The following IFNAR2 variants were observed in gnomAD, a reference collection of about 807,000 sequenced individuals.
IFNAR2 encodes the protein interferon alpha/beta receptor 2.
IFNAR2 carries 30 observed loss-of-function variants against 49.4 expected under a neutral mutation model. That is an observed-to-expected ratio of 0.61 (90% confidence interval 0.45 to 0.82). The LOEUF is 0.82. Ranked by LOEUF, IFNAR2 falls within the 40% of genes least tolerant of loss-of-function variation. IFNAR2 has a pLI of 0.00. For missense variants in IFNAR2, 600 were observed against 622.7 expected, an observed-to-expected ratio of 0.96 and a Z score of 0.39; for synonymous variants, 224 against 234.5, an observed-to-expected ratio of 0.96 and a Z score of 0.41.
chr21:33,237,703 G>GGCAGTCGTGCTTGGATATCTCAT (rs1370833396), intron 1 of IFNAR2, among the ~76,000 whole-genome samples: 55 of 152,314 alleles, frequency 3.6e-4, no homozygotes, highest in Middle Eastern at 6.8e-3. Flanking sequence ...ATTAGTTCCA[G>GGCAGTCGTGCTTGGATATCTCAT]GCAGTCGTGC....
At chr21:33,259,023 G>A (rs567430180) in intron 7 of IFNAR2, among the ~76,000 whole-genome samples, 60 of 152,186 alleles carry the variant, frequency 3.9e-4, no homozygotes, top group African/African-American at 1.4e-3. Flanking sequence ...GTTAGTCATC[G>A]CCAGTCTTTT....
rs1382763965 is a variant in IFNAR2 at position 33,230,001 on chromosome 21, G to T, written c.-299G>T. 3.0e-6 allele frequency: 3 copies of T among 984,766 alleles called. No homozygotes were observed. The African/African-American group carries it at 5.3e-5, about 17-fold the overall frequency. The allele number at this position is 984,766 out of a possible 1,614,324, so 61.0% of individuals were successfully genotyped here. ...CGCACTAAAGACGCTTCTTCCCGGC[G>T]GGTAGGAATCCCGCCGGCGAGCCGA... On this transcript the variant is annotated 5_prime_UTR_variant, in exon 1 of 9. Transcript: ENST00000342136. The surrounding 1 kb of genome is among the most constrained non-coding windows in gnomAD (Gnocchi z 5.5).
intron 2 of IFNAR2, 111 bp from the exon 3 acceptor site, chr21:33,243,562 C>A: frequency 2.0e-6 from 2 of 1,009,256 alleles, no homozygotes; most frequent in Non-Finnish European, 1.5e-6. Flanking sequence ...CAAGAAAAAT[C>A]TCAATCTGAT....
At chr21:33,249,202 GA>G (rs778029062) in intron 6 of IFNAR2, among the ~76,000 whole-genome samples, 4 of 152,122 alleles carry the variant, frequency 2.6e-5, no homozygotes, top group Non-Finnish European at 2.9e-5. Flanking sequence ...ACATTAGCTG[GA>G]TGTGGTGGCA....
intron 8 of IFNAR2, 99 bp from the exon 9 acceptor site, chr21:33,262,694 C>A: frequency 1.3e-6 from 2 of 1,494,668 alleles, no homozygotes; most frequent in Non-Finnish European, 1.9e-6. Flanking sequence ...TACAAGCGTG[C>A]ATCCCTGTGC....
At chr21:33,245,711 C>G (rs1987347076) in intron 4 of IFNAR2, among the ~76,000 whole-genome samples, 1 of 152,306 alleles carries the variant, frequency 6.6e-6, no homozygotes, top group South Asian at 2.1e-4. Context: ...TTGCTTTGAT[C>G]CAGCAGCCCC....
In IFNAR2 at chr21:33,246,865, A is replaced by G. The variant is rs139177032; in HGVS notation, c.369A>G (p.Ser123=). 38 of 1,614,050 alleles carry G rather than the reference A, an allele frequency of 2.4e-5. No homozygotes were observed. The African/African-American group carries it at 4.4e-4, about 19-fold the overall frequency. ...FSGNTTLFSC[S]HNFWLAIDMS... is the part of the protein sequence containing the mutation. ...GGAACACAACGTTGTTCAGTTGCTC[A>G]CACAATTTCTGGCTGGCCATAGACA... is the stretch of plus-strand genomic sequence containing the variant. Residue 123 remains serine, a synonymous_variant, in exon 5 of 9, where the codon TCA becomes TCG. Transcript: ENST00000342136.
chr21:33,261,034 C>T (rs1373782942), intron 8 of IFNAR2, among the ~76,000 whole-genome samples: 17 of 89,616 alleles, frequency 1.9e-4, no homozygotes, highest in African/African-American at 7.7e-4. Flanking sequence ...TGTTTTCTTT[C>T]CTTTTTTTTT....
chr21:33,234,475 T>G lies in IFNAR2; in HGVS notation c.-84+4259T>G, dbSNP rs561200248. Among the ~76,000 whole-genome samples the G allele has an allele frequency of 7.2e-5, 11 of 152,296 alleles. No individual in the cohort carries two copies. The East Asian group carries it at 2.1e-3, about 29-fold the overall frequency. On this transcript the variant is annotated intron_variant, in intron 1 of 8. Transcript: ENST00000342136. The stretch of plus-strand genomic sequence containing the variant: ...GTCTAACATTTCTGAATCCACTTCA[T>G]TCATTATTCATTGCCTCCTTGACAA...
chr21:33,230,507 C>A lies in IFNAR2; in HGVS notation c.-84+291C>A. 1 of 470,410 alleles carries A rather than the reference C, an allele frequency of 2.1e-6. No homozygotes were observed. The highest frequency in any genetic ancestry group is 1.6e-5 in the South Asian group (1 of 64,456). The allele number at this position is 470,410 out of a possible 1,614,324, so 29.1% of individuals were successfully genotyped here. A position where few individuals can be genotyped will look rare whatever the true frequency, so the allele number is the denominator to read the frequency against. ...TTTCGTTGCACCCCTCCGCGTCCCA[C>A]CCCACCCCACCAAGGATGCCCAGGA... On this transcript the variant is annotated intron_variant, in intron 1 of 8. Coordinates refer to ENST00000342136, the MANE Select transcript of IFNAR2 (RefSeq NM_001289125.3). This position sits in a 1 kb window ranked among gnomAD's most constrained non-coding sequence, Gnocchi z 5.5.
At chr21:33,239,083 G>A (rs930149765) in intron 1 of IFNAR2, among the ~76,000 whole-genome samples, 2 of 152,206 alleles carry the variant, frequency 1.3e-5, no homozygotes, top group African/African-American at 4.8e-5. Flanking sequence ...CGGGTGGTCA[G>A]TGTGACAGTT....
intron 5 of IFNAR2, 111 bp downstream of exon 5, chr21:33,247,001 C>A (rs974066792): frequency 7.3e-6 from 6 of 820,990 alleles, no homozygotes; most frequent in Non-Finnish European, 1.2e-5. Context: ...GGGCTGGGCT[C>A]ACCTCTTGGC....
At chr21:33,244,848 T>C (rs1987267777) in intron 3 of IFNAR2, 103 bp from the exon 4 acceptor site, 1 of 1,090,506 alleles carries the variant, frequency 9.2e-7, no homozygotes, top group Non-Finnish European at 1.4e-6. Context: ...GGAGAGGTTA[T>C]CTGCCAGAGG....
intron 5 of IFNAR2, 53 bp downstream of exon 5, chr21:33,246,943 A>G (rs1987467586): frequency 6.7e-6 from 10 of 1,488,484 alleles, no homozygotes; most frequent in Non-Finnish European, 9.3e-6. Flanking sequence ...GATCTTTATT[A>G]TTTGCTATTC....
At chr21:33,235,032 G>A (rs1986342880) in intron 1 of IFNAR2, among the ~76,000 whole-genome samples, 1 of 152,140 alleles carries the variant, frequency 6.6e-6, no homozygotes, top group Non-Finnish European at 1.5e-5. Flanking sequence ...TTTTTTCGAT[G>A]ATATAGGGTA....
At chr21:33,260,248 C>T (rs921791262) in intron 7 of IFNAR2, among the ~76,000 whole-genome samples, 3 of 152,266 alleles carry the variant, frequency 2.0e-5, no homozygotes, top group Admixed American at 6.5e-5. Context: ...GTGTGGCTAC[C>T]GAACGTTTGA....
chr21:33,236,217 G>A (rs1255796468), intron 1 of IFNAR2, among the ~76,000 whole-genome samples: 3 of 152,128 alleles, frequency 2.0e-5, no homozygotes, highest in African/African-American at 7.2e-5. Context: ...GATACCGAGG[G>A]AGCCAGAGCA....
intron 7 of IFNAR2, among the ~76,000 whole-genome samples, chr21:33,254,462 G>T (rs2123509431): frequency 6.6e-6 from 1 of 152,254 alleles, no homozygotes; most frequent in Non-Finnish European, 1.5e-5. Context: ...GGGAAAATCT[G>T]CTTTCTATAA....
At chr21:33,245,547 TG>T (rs1424649812) in intron 4 of IFNAR2, among the ~76,000 whole-genome samples, 1 of 152,232 alleles carries the variant, frequency 6.6e-6, no homozygotes, top group East Asian at 1.9e-4. Context: ...GTCCATAGTC[TG>T]GTTTGGTCAC....
Sources: gnomAD v4.1 joint callset for allele counts (sites outside exome capture counted in the v4.1 genomes callset) on GRCh38, gnomAD v4.1.1 for gene constraint, Gnocchi (gnomAD v3.1) non-coding constraint, MANE v1.5 for transcripts, NCBI Gene and HGNC (gene_info 2026-07-23, HGNC 2026-07-21) for gene names.